TCERG1L: variants seen among roughly 807,000 people sequenced by gnomAD.
TCERG1L encodes the protein transcription elongation regulator 1-like protein.
Under a neutral mutation model 56.3 loss-of-function variants are expected in TCERG1L, and 37 were observed. The ratio of observed to expected loss-of-function variants is 0.66; its 90% CI spans 0.51 to 0.87. The LOEUF is 0.87. Among genes scored for constraint, TCERG1L ranks in the 40% least tolerant of loss-of-function variants. The pLI, the probability that TCERG1L is intolerant of heterozygous loss-of-function variation, is 0.00. For synonymous variants in TCERG1L, 324 were observed against 326.3 expected (o/e 0.99, Z 0.08); for missense variants, 799 against 774.2 (o/e 1.03, Z -0.38).
intron 9 of TCERG1L, among the ~76,000 whole-genome samples, chr10:131,114,032 C>A (rs543122545): frequency 7.1e-6 from 1 of 141,786 alleles, no homozygotes. Context: ...TCTGCTGAAC[C>A]ATCATTTACA....
intron 3 of TCERG1L, among the ~76,000 whole-genome samples, chr10:131,279,006 C>T (rs761193125): frequency 6.6e-6 from 1 of 152,204 alleles, no homozygotes; most frequent in Non-Finnish European, 1.5e-5. Flanking sequence ...CCGTCTCCCT[C>T]ACAGGCCCCC....
chr10:131,166,532 A>G (rs1253400589), intron 5 of TCERG1L, among the ~76,000 whole-genome samples: 1 of 152,186 alleles, frequency 6.6e-6, no homozygotes, highest in Non-Finnish European at 1.5e-5. Context: ...CTGAAAATGG[A>G]CAAAGTTCAA....
intron 4 of TCERG1L, among the ~76,000 whole-genome samples, chr10:131,203,503 G>A (rs929395078): frequency 3.9e-5 from 6 of 152,118 alleles, no homozygotes; most frequent in Non-Finnish European, 7.4e-5. Context: ...CTATTTTAAG[G>A]GAATGCATGC....
chr10:131,204,416 G>A (rs576545829), intron 4 of TCERG1L, among the ~76,000 whole-genome samples: 58 of 88,176 alleles, frequency 6.6e-4, no homozygotes, highest in Admixed American at 5.3e-3. Flanking sequence ...CCCTGCCCCC[G>A]CATCTACATG....
At chr10:131,156,055 G>A (rs964151147) in intron 6 of TCERG1L, 4 of 152,196 alleles carry the variant, frequency 2.6e-5, no homozygotes, top group African/African-American at 9.6e-5. Flanking sequence ...TCAGCTTAGC[G>A]AGTGCAACTG....
rs1845485303 is a variant in TCERG1L, at chr10:131,118,835, C to G, written c.1260-1901G>C. On this transcript the variant is annotated intron_variant, in intron 8 of 11. Coordinates refer to ENST00000368642, the MANE Select transcript of TCERG1L (RefSeq NM_174937.4). The surrounding 1 kb of genome is among the most constrained non-coding windows in gnomAD (Gnocchi z 4.2). ...CTGGTTTTGACGATAGCACCATGTTCTCCACTGGGGATGATTTTGCCCCAG... is the reference window on the plus strand; with the variant it reads ...CTGGTTTTGACGATAGCACCATGTTGTCCACTGGGGATGATTTTGCCCCAG... 6.6e-6 allele frequency among the ~76,000 whole-genome samples: 1 copy of G among 152,156 alleles called. No individual in the cohort carries two copies. The highest frequency in any genetic ancestry group is 2.4e-5 in the African/African-American group (1 of 41,446).
At chr10:131,272,782 CG>C (rs1192736206) in intron 3 of TCERG1L, among the ~76,000 whole-genome samples, 23 of 152,298 alleles carry the variant, frequency 1.5e-4, no homozygotes, top group African/African-American at 5.3e-4. Context: ...CCCACCCTGC[CG>C]GGATGTGGAG....
At chr10:131,206,583 G>A (rs1371917292) in intron 4 of TCERG1L, among the ~76,000 whole-genome samples, 6 of 152,258 alleles carry the variant, frequency 3.9e-5, no homozygotes, top group African/African-American at 1.4e-4. Flanking sequence ...AGGACCCCGT[G>A]GCTGAGCTCA....
intron 3 of TCERG1L, among the ~76,000 whole-genome samples, chr10:131,295,549 G>T (rs1008460649): frequency 6.6e-6 from 1 of 152,166 alleles, no homozygotes; most frequent in South Asian, 2.1e-4. Context: ...TTTTGCTAAT[G>T]AAATATGATG....
chr10:131,227,412 G>T lies in TCERG1L; in HGVS notation c.856+32847C>A, dbSNP rs1266119445. ...AGTCATTGGCACACAGCAGCCTCAGGTCTGGCTGGTTCCAGGGCAGCCCAG... is the reference window on the plus strand; with the variant it reads ...AGTCATTGGCACACAGCAGCCTCAGTTCTGGCTGGTTCCAGGGCAGCCCAG... On this transcript the variant is annotated intron_variant, in intron 4 of 11. Coordinates refer to ENST00000368642, the MANE Select transcript of TCERG1L (RefSeq NM_174937.4). 2.0e-5 allele frequency among the ~76,000 whole-genome samples: 3 copies of T among 152,258 alleles called. No homozygotes were observed. In the East Asian group the frequency reaches 5.8e-4, roughly 29 times the overall value.
intron 4 of TCERG1L, among the ~76,000 whole-genome samples, chr10:131,234,439 G>C (rs1280557768): frequency 6.6e-6 from 1 of 152,108 alleles, no homozygotes; most frequent in Non-Finnish European, 1.5e-5. Flanking sequence ...TAAAAGCTGT[G>C]GATAAAAGCT....
intron 6 of TCERG1L, among the ~76,000 whole-genome samples, chr10:131,149,689 G>A (rs1199662762): frequency 1.3e-5 from 2 of 152,182 alleles, no homozygotes; most frequent in African/African-American, 4.8e-5. Flanking sequence ...ACGAGGCCTG[G>A]GCTCTTTGGC....
At chr10:131,300,717 T>C (rs1196191818) in intron 3 of TCERG1L, among the ~76,000 whole-genome samples, 2 of 152,212 alleles carry the variant, frequency 1.3e-5, no homozygotes, top group African/African-American at 4.8e-5. Context: ...ATTCTGTTGA[T>C]TATTTTGTAT....
At chr10:131,093,802 G>A (rs946551349) in intron 11 of TCERG1L, among the ~76,000 whole-genome samples, 3 of 152,066 alleles carry the variant, frequency 2.0e-5, no homozygotes, top group African/African-American at 7.2e-5. Context: ...TGGGAAACTC[G>A]CCCTATCTAG....
chr10:131,235,600 G>T (rs889123300), intron 4 of TCERG1L, among the ~76,000 whole-genome samples: 1 of 152,186 alleles, frequency 6.6e-6, no homozygotes, highest in Non-Finnish European at 1.5e-5. Flanking sequence ...TGCATTAACA[G>T]AATTAGATCA....
At chr10:131,216,168 G>T (rs1159555837) in intron 4 of TCERG1L, among the ~76,000 whole-genome samples, 7 of 152,196 alleles carry the variant, frequency 4.6e-5, no homozygotes, top group African/African-American at 1.4e-4. Context: ...GTCAGTTTCT[G>T]CTCACTCTGC....
At chr10:131,251,732 T>C (rs530569287) in intron 4 of TCERG1L, among the ~76,000 whole-genome samples, 1 of 152,372 alleles carries the variant, frequency 6.6e-6, no homozygotes, top group African/African-American at 2.4e-5. Flanking sequence ...TTCATGTGCA[T>C]ATGAGAACAC....
At position 131,192,320 on chromosome 10, in the gene TCERG1L, G is replaced by A. The variant is rs1167665484; in HGVS notation, c.857-25435C>T. Among the ~76,000 whole-genome samples the A allele has an allele frequency of 1.4e-5, 2 of 144,106 alleles. 1 individual carries two copies. The highest frequency in any genetic ancestry group is 5.2e-5 in the African/African-American group (2 of 38,252). 94.5% of individuals were successfully genotyped at this position (144,106 alleles called of 152,430 possible). Reference sequence around the variant, plus strand: ...GACAACTGCAAATTAAAACCACAATGAGATAACATCTTACTCCTGTAAGAA... The same window carrying A: ...GACAACTGCAAATTAAAACCACAATAAGATAACATCTTACTCCTGTAAGAA... On this transcript the variant is annotated intron_variant, in intron 4 of 11. Coordinates refer to ENST00000368642, the MANE Select transcript of TCERG1L (RefSeq NM_174937.4).
intron 8 of TCERG1L, among the ~76,000 whole-genome samples, chr10:131,129,228 C>T (rs1224993448): frequency 2.0e-5 from 3 of 151,992 alleles, no homozygotes; most frequent in African/African-American, 2.4e-5. Context: ...AGAAAACAGT[C>T]AAGGAAATTT....
Sources: gnomAD v4.1 joint callset for allele counts (sites outside exome capture counted in the v4.1 genomes callset) on GRCh38, gnomAD v4.1.1 for gene constraint, Gnocchi (gnomAD v3.1) non-coding constraint, MANE v1.5 for transcripts, NCBI Gene and HGNC (gene_info 2026-07-23, HGNC 2026-07-21) for gene names.